SPIDR: variants seen among roughly 807,000 people sequenced by gnomAD.
SPIDR encodes the protein DNA repair-scaffolding protein.
SPIDR carries 93 observed loss-of-function variants against 104.6 expected under a neutral mutation model. That is an observed-to-expected ratio of 0.89 (90% CI 0.75 to 1.06). SPIDR has a LOEUF of 1.06. SPIDR is among the 50% of genes least tolerant of loss of function. The pLI is 0.00. For synonymous variants in SPIDR, 431 were observed against 416.9 expected (o/e 1.03, Z -0.41); for missense variants, 1,154 against 1,111.2 (o/e 1.04, Z -0.55).
chr8:47,633,610 A>G (rs946072414), intron 10 of SPIDR, among the ~76,000 whole-genome samples: 4 of 149,976 alleles, frequency 2.7e-5, no homozygotes, highest in African/African-American at 9.8e-5. Context: ...AGGCCAGGGC[A>G]AGAGGATTGC....
chr8:47,423,716 A>C (rs1287456662), intron 7 of SPIDR, among the ~76,000 whole-genome samples: 1 of 152,230 alleles, frequency 6.6e-6, no homozygotes, highest in Non-Finnish European at 1.5e-5. Context: ...AGGGGAGCCC[A>C]GATCATGCAG....
chr8:47,627,799 A>G (rs1316600310), intron 10 of SPIDR, among the ~76,000 whole-genome samples: 1 of 152,110 alleles, frequency 6.6e-6, no homozygotes, highest in African/African-American at 2.4e-5. Context: ...GAGCATTTGG[A>G]AAGGGCTGTC....
chr8:47,503,208 C>G (rs189445526), intron 8 of SPIDR, among the ~76,000 whole-genome samples: 139 of 152,156 alleles, frequency 9.1e-4, no homozygotes, highest in African/African-American at 2.9e-3. Context: ...CTTTCTGTCT[C>G]GTTGATATAT....
At chr8:47,299,961 C>T (rs1226322227) in intron 5 of SPIDR, among the ~76,000 whole-genome samples, 1 of 152,170 alleles carries the variant, frequency 6.6e-6, no homozygotes, top group African/African-American at 2.4e-5. Flanking sequence ...TGATGCTGGC[C>T]TCATAAAATG....
chr8:47,430,922 G>A (rs930533156), intron 7 of SPIDR, among the ~76,000 whole-genome samples: 3 of 152,160 alleles, frequency 2.0e-5, no homozygotes, highest in Admixed American at 6.5e-5. Context: ...AGAAGAACTC[G>A]TATTCTCGAT....
At chr8:47,469,010 C>A (rs2075296253) in intron 8 of SPIDR, among the ~76,000 whole-genome samples, 1 of 151,934 alleles carries the variant, frequency 6.6e-6, no homozygotes. Flanking sequence ...AAACAAAAAG[C>A]CTCTTTAAAA....
chr8:47,559,346 G>A (rs145953105), intron 8 of SPIDR, among the ~76,000 whole-genome samples: 137 of 152,276 alleles, frequency 9.0e-4, no homozygotes, highest in African/African-American at 3.2e-3. Context: ...TAAAGCTGCT[G>A]TACCCTGCCT....
intron 19 of SPIDR, 46 bp from the exon 20 acceptor site, chr8:47,735,261 C>A (rs761028019): frequency 1.3e-6 from 2 of 1,584,996 alleles, no homozygotes; most frequent in Non-Finnish European, 1.7e-6. Context: ...GGGAACAGTA[C>A]GTCCCAGGCT....
chr8:47,541,925 C>T (rs2088243999), intron 8 of SPIDR, among the ~76,000 whole-genome samples: 1 of 152,002 alleles, frequency 6.6e-6, no homozygotes, highest in African/African-American at 2.4e-5. Flanking sequence ...AATGAGACTC[C>T]ATCTCAGAAA....
intron 10 of SPIDR, among the ~76,000 whole-genome samples, chr8:47,631,057 G>A (rs980293741): frequency 6.6e-6 from 1 of 152,170 alleles, no homozygotes; most frequent in Non-Finnish European, 1.5e-5. Context: ...TCGGAGGGAG[G>A]GACGGAGAGA....
At chr8:47,642,712 C>T (rs2069367384) in intron 10 of SPIDR, among the ~76,000 whole-genome samples, 1 of 152,100 alleles carries the variant, frequency 6.6e-6, no homozygotes, top group African/African-American at 2.4e-5. Flanking sequence ...AGTCTGAGAC[C>T]AGCCTGGGCA....
At chr8:47,599,436 G>T (rs1588232713) in intron 10 of SPIDR, among the ~76,000 whole-genome samples, 2 of 152,248 alleles carry the variant, frequency 1.3e-5, no homozygotes, top group East Asian at 3.9e-4. Context: ...TACCTTTAAT[G>T]GTTCATGTTC....
chr8:47,512,962 C>T (rs1238706395), intron 8 of SPIDR, among the ~76,000 whole-genome samples: 1 of 152,176 alleles, frequency 6.6e-6, no homozygotes, highest in Admixed American at 6.5e-5. Context: ...GACATTTTAA[C>T]TATGAAAGCA....
At chr8:47,302,407 G>A (rs587718247) in intron 5 of SPIDR, among the ~76,000 whole-genome samples, 13 of 152,078 alleles carry the variant, frequency 8.5e-5, no homozygotes, top group African/African-American at 3.1e-4. Context: ...CCTTTAGCTC[G>A]GAGTAGTTTG....
chr8:47,318,204 G>A (rs797030721), intron 5 of SPIDR, among the ~76,000 whole-genome samples: 5 of 151,996 alleles, frequency 3.3e-5, no homozygotes, highest in African/African-American at 4.8e-5. Context: ...GGAAAAAAAC[G>A]AGACAAATGG....
At chr8:47,643,732 A>T (rs1037070261) in intron 10 of SPIDR, among the ~76,000 whole-genome samples, 2 of 152,208 alleles carry the variant, frequency 1.3e-5, no homozygotes, top group African/African-American at 4.8e-5. Context: ...TATATTATAT[A>T]CACAAAAAAG....
intron 6 of SPIDR, among the ~76,000 whole-genome samples, chr8:47,401,465 C>T (rs782811167): frequency 2.9e-4 from 44 of 152,268 alleles, no homozygotes; most frequent in Admixed American, 6.5e-4. Flanking sequence ...ATGACAGGAT[C>T]AAATTCACAC....
chr8:47,550,177 T>C (rs1426642261), intron 8 of SPIDR, among the ~76,000 whole-genome samples: 4 of 152,228 alleles, frequency 2.6e-5, no homozygotes, highest in African/African-American at 9.6e-5. Context: ...AGCCTTGTAG[T>C]ATAGTTTAAA....
intron 8 of SPIDR, among the ~76,000 whole-genome samples, chr8:47,500,417 G>A (rs907832196): frequency 4.3e-4 from 66 of 152,132 alleles, no homozygotes; most frequent in Non-Finnish European, 7.6e-4. Context: ...TTTTTCATGT[G>A]TCTTTTGGCT....
Sources: allele counts gnomAD v4.1 joint callset (sites outside exome capture counted in the v4.1 genomes callset), GRCh38; gene constraint gnomAD v4.1.1; transcripts MANE v1.5; gene names NCBI Gene and HGNC (gene_info 2026-07-23, HGNC 2026-07-21).